The following AGBL4 variants were observed in gnomAD, a reference collection of about 807,000 sequenced individuals.
AGBL4 encodes AGBL carboxypeptidase 4.
Under a neutral mutation model 66.4 loss-of-function variants are expected in AGBL4, and 58 were observed. The observed-to-expected ratio is 0.87, with a 90% CI of 0.71 to 1.09. AGBL4 has a LOEUF of 1.09. AGBL4 is among the 50% of genes least tolerant of loss of function. The pLI is 0.00. For missense variants in AGBL4, 579 were observed against 631.0 expected (o/e 0.92, Z 0.88); for synonymous variants, 234 against 222.9 (o/e 1.05, Z -0.44).
intron 6 of AGBL4, among the ~76,000 whole-genome samples, chr1:48,741,747 G>A (rs1649941778): frequency 6.6e-6 from 1 of 152,210 alleles, no homozygotes; most frequent in Admixed American, 6.5e-5. Flanking sequence ...TTTGAAGCAT[G>A]AGGCAAGAAA....
At chr1:48,697,618 T>TA (rs1646732390) in intron 6 of AGBL4, among the ~76,000 whole-genome samples, 1 of 152,102 alleles carries the variant, frequency 6.6e-6, no homozygotes, top group Non-Finnish European at 1.5e-5. Flanking sequence ...AGCTGAGAGA[T>TA]TTCAGTACTG....
chr1:48,759,297 A>G (rs1170972980), intron 6 of AGBL4: 1 of 1,550,558 alleles, frequency 6.4e-7, no homozygotes, highest in Admixed American at 2.0e-5. Flanking sequence ...GTGTAGGACA[A>G]CGAGAATCAG....
chr1:48,980,838 C>T (rs2148964844), intron 5 of AGBL4, among the ~76,000 whole-genome samples: 1 of 147,610 alleles, frequency 6.8e-6, no homozygotes, highest in African/African-American at 2.5e-5. Context: ...TTTGAACTTA[C>T]TATTAATATA....
chr1:49,335,826 C>T (rs879472722), intron 3 of AGBL4, among the ~76,000 whole-genome samples: 3 of 152,074 alleles, frequency 2.0e-5, no homozygotes, highest in Non-Finnish European at 4.4e-5. Flanking sequence ...AAAATCTGAA[C>T]TTTTTACTTT....
intron 4 of AGBL4, among the ~76,000 whole-genome samples, chr1:49,186,315 T>C (rs1221011611): frequency 1.3e-5 from 2 of 152,166 alleles, no homozygotes; most frequent in African/African-American, 4.8e-5. Flanking sequence ...CCCTACCCTG[T>C]TATCCTCCAA....
chr1:49,517,576 C>T (rs1649933991), intron 3 of AGBL4, among the ~76,000 whole-genome samples: 1 of 151,872 alleles, frequency 6.6e-6, no homozygotes, highest in African/African-American at 2.4e-5. Context: ...ATAAGCCAGG[C>T]ACTATGCTAG....
chr1:48,846,403 A>AAGAG (rs1646917146), intron 6 of AGBL4, among the ~76,000 whole-genome samples: 1 of 151,626 alleles, frequency 6.6e-6, no homozygotes, highest in Non-Finnish European at 1.5e-5. Context: ...GAAAGAAAGA[A>AAGAG]AGAAAGAAAG....
intron 5 of AGBL4, among the ~76,000 whole-genome samples, chr1:48,950,666 T>C (rs542786061): frequency 1.3e-5 from 2 of 152,262 alleles, no homozygotes; most frequent in East Asian, 3.9e-4. Flanking sequence ...GCAGCCAGCT[T>C]GAGCCAAATG....
chr1:49,861,855 G>T (rs1646581042), intron 1 of AGBL4, among the ~76,000 whole-genome samples: 1 of 152,188 alleles, frequency 6.6e-6, no homozygotes, highest in South Asian at 2.1e-4. Context: ...CCCTAAAGCA[G>T]ATACAGCTTA....
At chr1:49,203,314 T>C (rs1647870420) in intron 4 of AGBL4, among the ~76,000 whole-genome samples, 1 of 152,086 alleles carries the variant, frequency 6.6e-6, no homozygotes, top group African/African-American at 2.4e-5. Flanking sequence ...AAGAAATATT[T>C]GTATACCACA....
intron 4 of AGBL4, among the ~76,000 whole-genome samples, chr1:49,138,456 A>T (rs1004812105): frequency 6.6e-6 from 1 of 152,128 alleles, no homozygotes; most frequent in Admixed American, 6.6e-5. Flanking sequence ...CACATTTACT[A>T]TTGCACTTCT....
intron 6 of AGBL4, among the ~76,000 whole-genome samples, chr1:48,743,845 G>A (rs1650310667): frequency 6.6e-6 from 1 of 152,212 alleles, no homozygotes; most frequent in Non-Finnish European, 1.5e-5. Flanking sequence ...AGGTCCTGGT[G>A]AATTTGTTAC....
intron 2 of AGBL4, among the ~76,000 whole-genome samples, chr1:49,826,585 C>G (rs772133460): frequency 6.6e-6 from 1 of 152,168 alleles, no homozygotes; most frequent in East Asian, 1.9e-4. Flanking sequence ...ATAACTGTAT[C>G]CCTGTATAGA....
At position 49,832,074 on chromosome 1, in the gene AGBL4, C is replaced by A. The variant is rs1277776316; in HGVS notation, c.157+19322G>T. On this transcript the variant is annotated intron_variant, in intron 2 of 13. Transcript: ENST00000371839. ...GGTTAGTTACATATGTATACACGTG[C>A]CATGCTGGTGTGCTGCACCCATTAA... 3.3e-4 allele frequency among the ~76,000 whole-genome samples: 50 copies of A among 151,768 alleles called. 1 individual carries two copies. The South Asian group carries it at 9.6e-3, about 29-fold the overall frequency.
At chr1:49,905,257 T>C (rs1180286701) in intron 1 of AGBL4, among the ~76,000 whole-genome samples, 2 of 152,172 alleles carry the variant, frequency 1.3e-5, no homozygotes, top group African/African-American at 4.8e-5. Flanking sequence ...GTAAGGTTGT[T>C]TGGGGCCTTG....
At chr1:49,262,909 T>A (rs1653346943) in intron 3 of AGBL4, among the ~76,000 whole-genome samples, 1 of 152,188 alleles carries the variant, frequency 6.6e-6, no homozygotes, top group Admixed American at 6.5e-5. Context: ...GCAACCCAAA[T>A]GTCCAACAAT....
intron 3 of AGBL4, among the ~76,000 whole-genome samples, chr1:49,250,861 G>C (rs183472138): frequency 6.6e-6 from 1 of 152,240 alleles, no homozygotes; most frequent in Admixed American, 6.5e-5. Context: ...GAGGTGGCAG[G>C]GAGAGCTGCT....
chr1:49,111,062 C>T (rs1268840629), intron 4 of AGBL4, among the ~76,000 whole-genome samples: 10 of 151,808 alleles, frequency 6.6e-5, no homozygotes, highest in East Asian at 3.9e-4. Flanking sequence ...TTTAGCCCTG[C>T]GTCTCTCTCT....
intron 4 of AGBL4, among the ~76,000 whole-genome samples, chr1:49,168,520 C>T (rs1646675018): frequency 6.6e-6 from 1 of 152,158 alleles, no homozygotes; most frequent in Non-Finnish European, 1.5e-5. Context: ...TAGAGTGAGG[C>T]TTTTGAGCTC....
Sources: allele counts gnomAD v4.1 joint callset (sites outside exome capture counted in the v4.1 genomes callset), GRCh38; gene constraint gnomAD v4.1.1; transcripts MANE v1.5; gene names NCBI Gene and HGNC (gene_info 2026-07-23, HGNC 2026-07-21).